The following SNX25 variants were observed in gnomAD, a reference collection of about 807,000 sequenced individuals.
SNX25 encodes the protein sorting nexin 25.
A neutral mutation model predicts 113.7 loss-of-function variants in SNX25; 62 were observed. That is an observed-to-expected ratio of 0.55 (90% confidence interval 0.44 to 0.67). The LOEUF (loss-of-function observed/expected upper bound fraction) is 0.67, where lower values mean the gene tolerates loss of function less well. Among genes scored for constraint, SNX25 ranks in the 30% least tolerant of loss-of-function variants. The pLI is 0.00. For synonymous variants in SNX25, 421 were observed against 436.2 expected (o/e 0.97, Z 0.43); for missense variants, 1,014 against 1,161.0 (o/e 0.87, Z 1.84).
chr4:185,319,572 G>A (rs2095104214), intron 7 of SNX25, among the ~76,000 whole-genome samples: 1 of 150,590 alleles, frequency 6.6e-6, no homozygotes, highest in African/African-American at 2.4e-5. Context: ...AGTCATCTTT[G>A]GAGAAAGGCA....
At position 185,262,181 on chromosome 4, in the gene SNX25, T is replaced by G. The variant is rs959720025; in HGVS notation, c.732-2257T>G. On this transcript the variant is annotated intron_variant, in intron 3 of 18. Transcript: ENST00000652585. Reference sequence around the variant, plus strand: ...TGCCTTAATAAAACAACACGTCCTTTAGTTGACTGTTGGGCAATTGTTTGT... The same window carrying G: ...TGCCTTAATAAAACAACACGTCCTTGAGTTGACTGTTGGGCAATTGTTTGT... Among the ~76,000 whole-genome samples, 31 of 152,220 alleles carry G rather than the reference T, an allele frequency of 2.0e-4. 1 individual carries two copies. The highest frequency in any genetic ancestry group is 3.2e-3 in the Middle Eastern group (1 of 316).
rs565219111 is a variant in SNX25, at chr4:185,315,438, C to T, written c.1344+4622C>T. The stretch of plus-strand genomic sequence containing the variant: ...CCTCCCGAGTACCTGGAATTACAGG[C>T]GTGCACCACCACGCCCAGCTAATGT... On this transcript the variant is annotated intron_variant, in intron 7 of 18. Transcript: ENST00000652585. Among the ~76,000 whole-genome samples, 4 of 151,660 alleles carry T rather than the reference C, an allele frequency of 2.6e-5. No individual in the cohort carries two copies. In the East Asian group the frequency reaches 6.0e-4, roughly 23 times the overall value.
At chr4:185,370,058 TAA>T (rs1368089812) in exon 12 of SNX25, 1 of 178,096 alleles carries the variant, frequency 5.6e-6, no homozygotes, top group East Asian at 1.7e-4. Context: ...AATCTAAACT[TAA>T]GAGTTAGTAC....
In SNX25 at chr4:185,241,395, G is replaced by A. The variant is rs112094801; in HGVS notation, c.430-5899G>A. 5.1e-3 allele frequency among the ~76,000 whole-genome samples: 758 copies of A among 148,960 alleles called. 12 individuals are homozygous for A. The highest frequency in any genetic ancestry group is 8.8e-3 in the Non-Finnish European group (584 of 66,274). The stretch of plus-strand genomic sequence containing the variant: ...CGGCAGGCTGAGGCAGGAGAATCAG[G>A]CAGGGAGGTTGCAGTGAGCTGAGAT... On this transcript the variant is annotated intron_variant, in intron 1 of 18. Transcript: ENST00000652585.
intron 1 of SNX25, among the ~76,000 whole-genome samples, chr4:185,240,851 G>A (rs563100380): frequency 2.3e-4 from 35 of 150,926 alleles, no homozygotes; most frequent in African/African-American, 7.5e-4. Flanking sequence ...CGGGGCGGCC[G>A]GGCAGAGACG....
chr4:185,306,184 T>C (rs931376680), intron 6 of SNX25, among the ~76,000 whole-genome samples: 3 of 152,266 alleles, frequency 2.0e-5, no homozygotes, highest in Non-Finnish European at 4.4e-5. Context: ...TGTATTCATC[T>C]GCATCACTGG....
rs140638025 is a variant in SNX25 at position 185,346,938 on chromosome 4, C to G, written c.2301+288C>G. The stretch of plus-strand genomic sequence containing the variant: ...CCCAGCTTCCTCCCATCGCTGCAGC[C>G]CCTCTAAAGGCAACTGCTGTCCCGA... On this transcript the variant is annotated intron_variant, in intron 13 of 18. Coordinates refer to ENST00000652585, the MANE Select transcript of SNX25 (RefSeq NM_001378034.2). Among the ~76,000 whole-genome samples the G allele has an allele frequency of 6.1e-3, 932 of 152,270 alleles. 8 individuals are homozygous for G. The highest frequency in any genetic ancestry group is 0.021 in the African/African-American group (874 of 41,546).
intron 6 of SNX25, among the ~76,000 whole-genome samples, chr4:185,309,245 G>C (rs186870296): frequency 6.6e-6 from 1 of 152,132 alleles, no homozygotes; most frequent in African/African-American, 2.4e-5. Context: ...GAAGCCTCGG[G>C]GCAGGTGAGC....
intron 10 of SNX25, among the ~76,000 whole-genome samples, chr4:185,335,295 G>A (rs1313583582): frequency 1.3e-5 from 2 of 148,870 alleles, no homozygotes; most frequent in African/African-American, 5.0e-5. Flanking sequence ...ACTCCAGCCT[G>A]GGCAATAGAG....
At position 185,332,705 on chromosome 4, in the gene SNX25, A is replaced by T. The variant is rs768951007; in HGVS notation, c.1860A>T (p.Glu620Asp). 1.2e-6 allele frequency: 2 copies of T among 1,614,002 alleles called. No homozygotes were observed. The highest frequency in any genetic ancestry group is 2.7e-5 in the African/African-American group (2 of 74,940). The change falls in exon 10 of 19, where the codon GAA (glutamate) becomes GAT (aspartate). Residue 620 changes from glutamate (E) to aspartate (D), a missense_variant. Glu to Asp is a conservative substitution (Grantham distance 45). Coordinates refer to ENST00000652585, the MANE Select transcript of SNX25 (RefSeq NM_001378034.2). The stretch of plus-strand genomic sequence containing the variant: ...TGCGAGAACTAAATGAGAAACTTGA[A>T]TATAAAAGGCAAGCTCTAAATTCTA... ...NKLRELNEKL[E>D]YKRQALNSIQ...
chr4:185,349,165 A>C (rs1323829864), intron 13 of SNX25, among the ~76,000 whole-genome samples: 1 of 152,114 alleles, frequency 6.6e-6, no homozygotes, highest in Non-Finnish European at 1.5e-5. Flanking sequence ...AACCCTAACG[A>C]CAGCTGATGA....
chr4:185,358,313 C>A (rs1016844975), intron 16 of SNX25, among the ~76,000 whole-genome samples: 1 of 152,166 alleles, frequency 6.6e-6, no homozygotes, highest in African/African-American at 2.4e-5. Flanking sequence ...TATCCATATA[C>A]ATAAAGGCAT....
Position 185,212,489 on chromosome 4 carries a change from G to GTGTTTT in SNX25, c.429+2236_429+2241dup, listed in dbSNP as rs1738033063. ...TGTGTGTGTGTGTGTGTGTGTGTGT[G>GTGTTTT]TGTTTTTTTTTTTTTTTGCTTTGAG... On this transcript the variant is annotated intron_variant, in intron 1 of 18. Coordinates refer to ENST00000652585, the MANE Select transcript of SNX25 (RefSeq NM_001378034.2). Among the ~76,000 whole-genome samples the GTGTTTT allele has an allele frequency of 1.0e-3, 45 of 43,360 alleles. 3 individuals are homozygous for GTGTTTT. The highest frequency in any genetic ancestry group is 1.6e-3 in the South Asian group (2 of 1,252). The allele number at this position is 43,360 out of a possible 152,430, so 28.4% of individuals were successfully genotyped here. A position where few individuals can be genotyped will look rare whatever the true frequency, so the allele number is the denominator to read the frequency against.
At chr4:185,338,938 G>A (rs533396136) in intron 10 of SNX25, among the ~76,000 whole-genome samples, 4 of 152,074 alleles carry the variant, frequency 2.6e-5, no homozygotes, top group South Asian at 2.1e-4. Flanking sequence ...AATTGTTTCA[G>A]CCATTCAGGA....
intron 18 of SNX25, among the ~76,000 whole-genome samples, chr4:185,362,992 A>C (rs1016300362): frequency 1.3e-5 from 2 of 151,858 alleles, no homozygotes; most frequent in Non-Finnish European, 2.9e-5. Context: ...ACAGGCATGC[A>C]CTACCATGCC....
At chr4:185,247,487 T>C in intron 2 of SNX25, 109 bp downstream of exon 2, 1 of 843,178 alleles carries the variant, frequency 1.2e-6, no homozygotes, top group East Asian at 2.5e-5. Context: ...CATGTAGTGT[T>C]AGGAATTTTT....
chr4:185,257,645 T>C (rs1379844609), intron 2 of SNX25, among the ~76,000 whole-genome samples: 1 of 152,210 alleles, frequency 6.6e-6, no homozygotes, highest in Non-Finnish European at 1.5e-5. Flanking sequence ...TACTTTTTTA[T>C]TTTTATTGTT....
chr4:185,373,889 C>A (rs564956574), downstream of SNX25, among the ~76,000 whole-genome samples: 1 of 152,204 alleles, frequency 6.6e-6, no homozygotes, highest in African/African-American at 2.4e-5. Context: ...GACTGTTTCT[C>A]TTCTTTTAGC....
intron 5 of SNX25, among the ~76,000 whole-genome samples, chr4:185,269,607 C>T (rs1245213826): frequency 6.6e-6 from 1 of 152,152 alleles, no homozygotes; most frequent in Non-Finnish European, 1.5e-5. Flanking sequence ...AATCAGTATT[C>T]CTTGTTCTTA....
Sources: gnomAD v4.1 joint callset for allele counts (sites outside exome capture counted in the v4.1 genomes callset) on GRCh38, gnomAD v4.1.1 for gene constraint, MANE v1.5 for transcripts, NCBI Gene and HGNC (gene_info 2026-07-23, HGNC 2026-07-21) for gene names.